The following RABGAP1L variants were observed in gnomAD, a reference collection of about 807,000 sequenced individuals.
The protein encoded by RABGAP1L is rab GTPase-activating protein 1-like.
A neutral mutation model predicts 137.7 loss-of-function variants in RABGAP1L; 63 were observed. The observed-to-expected ratio is 0.46, with a 90% confidence interval of 0.37 to 0.56. The LOEUF is 0.56. RABGAP1L is among the 20% of genes least tolerant of loss of function. The pLI, the probability that RABGAP1L is intolerant of heterozygous loss-of-function variation, is 0.00. For missense variants in RABGAP1L, 1,095 were observed against 1,244.0 expected (o/e 0.88, Z 1.80); for synonymous variants, 431 against 433.7 (o/e 0.99, Z 0.08).
intron 18 of RABGAP1L, among the ~76,000 whole-genome samples, chr1:174,780,323 C>G (rs756470633): frequency 6.6e-6 from 1 of 152,026 alleles, no homozygotes; most frequent in Admixed American, 6.6e-5. Context: ...CCATGGATCT[C>G]TGCTCTACCT....
At chr1:174,504,170 G>A (rs985819432) in intron 13 of RABGAP1L, among the ~76,000 whole-genome samples, 9 of 151,370 alleles carry the variant, frequency 5.9e-5, no homozygotes, top group African/African-American at 2.2e-4. Context: ...TTAGGGTTTC[G>A]CCATGTTGCC....
chr1:174,841,690 G>A (rs1016233289), intron 19 of RABGAP1L, among the ~76,000 whole-genome samples: 2 of 151,630 alleles, frequency 1.3e-5, no homozygotes, highest in Non-Finnish European at 2.9e-5. Flanking sequence ...GAAATAATGG[G>A]GAAATGATAA....
intron 14 of RABGAP1L, among the ~76,000 whole-genome samples, chr1:174,653,693 T>G (rs993987915): frequency 5.9e-5 from 9 of 152,362 alleles, no homozygotes; most frequent in African/African-American, 1.9e-4. Context: ...AGCTGCAGAC[T>G]GGAGCTGTTT....
chr1:174,816,394 C>G (rs982714732), intron 19 of RABGAP1L, among the ~76,000 whole-genome samples: 5 of 152,142 alleles, frequency 3.3e-5, no homozygotes, highest in Non-Finnish European at 5.9e-5. Flanking sequence ...TATCCACCCC[C>G]CTTGGCCACC....
intron 11 of RABGAP1L, among the ~76,000 whole-genome samples, chr1:174,336,077 G>A (rs1202683324): frequency 2.6e-5 from 4 of 152,088 alleles, no homozygotes; most frequent in Non-Finnish European, 5.9e-5. Flanking sequence ...TTTTCCCCCT[G>A]AGTTGTCATA....
intron 12 of RABGAP1L, among the ~76,000 whole-genome samples, chr1:174,376,657 AAAAAACC>A (rs1351867268): frequency 6.6e-6 from 1 of 152,206 alleles, no homozygotes; most frequent in Non-Finnish European, 1.5e-5. Flanking sequence ...TCTTGATTTA[AAAAAACC>A]AAAAAACAAA....
At chr1:174,501,070 T>C (rs1661221839) in intron 13 of RABGAP1L, among the ~76,000 whole-genome samples, 1 of 152,184 alleles carries the variant, frequency 6.6e-6, no homozygotes, top group African/African-American at 2.4e-5. Context: ...TTTCCTGTTG[T>C]AAATGTACTT....
At chr1:174,857,442 C>T (rs1392838988) in intron 19 of RABGAP1L, among the ~76,000 whole-genome samples, 2 of 151,954 alleles carry the variant, frequency 1.3e-5, no homozygotes, top group Non-Finnish European at 2.9e-5. Flanking sequence ...CTTTCATTTC[C>T]CCAGCTGTAA....
At chr1:174,876,424 C>G (rs571853813) in intron 19 of RABGAP1L, among the ~76,000 whole-genome samples, 3 of 152,200 alleles carry the variant, frequency 2.0e-5, no homozygotes, top group African/African-American at 7.2e-5. Flanking sequence ...TTCAGAGAAG[C>G]CTTATCTGTC....
chr1:174,258,463 T>C (rs1418390822), intron 7 of RABGAP1L, among the ~76,000 whole-genome samples: 12 of 152,172 alleles, frequency 7.9e-5, no homozygotes, highest in Admixed American at 7.9e-4. Flanking sequence ...TAAACATCTT[T>C]TTTTTGGAGA....
At chr1:174,307,329 A>G (rs904471201) in intron 11 of RABGAP1L, among the ~76,000 whole-genome samples, 1 of 152,210 alleles carries the variant, frequency 6.6e-6, no homozygotes, top group Non-Finnish European at 1.5e-5. Context: ...TAACATGAAA[A>G]CTTAAACATG....
At chr1:174,778,580 A>G (rs1374719005) in intron 18 of RABGAP1L, among the ~76,000 whole-genome samples, 3 of 152,012 alleles carry the variant, frequency 2.0e-5, no homozygotes, top group African/African-American at 7.3e-5. Context: ...AGCTTTCAAC[A>G]ATAAGTCCTT....
chr1:174,401,507 T>C (rs1421333341), intron 13 of RABGAP1L, among the ~76,000 whole-genome samples: 1 of 152,198 alleles, frequency 6.6e-6, no homozygotes, highest in Non-Finnish European at 1.5e-5. Context: ...CAGAAAGTAC[T>C]ATAGGAAATA....
intron 13 of RABGAP1L, among the ~76,000 whole-genome samples, chr1:174,475,798 A>G (rs36002475): frequency 7.0e-6 from 1 of 143,304 alleles, no homozygotes; most frequent in African/African-American, 2.7e-5. Flanking sequence ...AAAAAAAAAA[A>G]GGTCAGATCT....
intron 13 of RABGAP1L, among the ~76,000 whole-genome samples, chr1:174,622,833 A>G (rs1449946947): frequency 6.6e-6 from 1 of 152,246 alleles, no homozygotes; most frequent in Non-Finnish European, 1.5e-5. Flanking sequence ...GTGCACATGT[A>G]CCCTAAAACT....
chr1:174,508,520 A>G (rs924831495), intron 13 of RABGAP1L, among the ~76,000 whole-genome samples: 3 of 152,158 alleles, frequency 2.0e-5, no homozygotes, highest in Admixed American at 2.0e-4. Context: ...ATGGTACCAC[A>G]GCCAGAGAAA....
intron 17 of RABGAP1L, among the ~76,000 whole-genome samples, chr1:174,724,858 A>G (rs1328456872): frequency 6.6e-6 from 1 of 152,238 alleles, no homozygotes; most frequent in East Asian, 1.9e-4. Flanking sequence ...CTCTCTGAGT[A>G]AGTGACATTT....
intron 19 of RABGAP1L, among the ~76,000 whole-genome samples, chr1:174,918,809 A>T: frequency 1.1e-5 from 1 of 88,756 alleles, no homozygotes; most frequent in Middle Eastern, 6.8e-3. Flanking sequence ...AGCCTGGGCA[A>T]CAAAGTGAGA....
chr1:174,349,132 G>A (rs1351724201), intron 11 of RABGAP1L, among the ~76,000 whole-genome samples: 2 of 132,158 alleles, frequency 1.5e-5, no homozygotes, highest in Non-Finnish European at 3.3e-5. Flanking sequence ...CGGACGGGGC[G>A]GCTGGCCGGG....
Sources: gnomAD v4.1 joint callset for allele counts (sites outside exome capture counted in the v4.1 genomes callset) on GRCh38, gnomAD v4.1.1 for gene constraint, MANE v1.5 for transcripts, NCBI Gene and HGNC (gene_info 2026-07-23, HGNC 2026-07-21) for gene names.